KAZN: variants seen among roughly 807,000 people sequenced by gnomAD.
KAZN encodes the protein kazrin, periplakin interacting protein, also known as kazrin.
Under a neutral mutation model 87.4 loss-of-function variants are expected in KAZN, and 40 were observed. The ratio of observed to expected loss-of-function variants is 0.46; its 90% confidence interval spans 0.36 to 0.60. The LOEUF (loss-of-function observed/expected upper bound fraction) is 0.60. Among genes scored for constraint, KAZN ranks in the 20% least tolerant of loss-of-function variants. The pLI is 0.00. For missense variants in KAZN, 898 were observed against 1,073.9 expected, an observed-to-expected ratio of 0.84 and a Z score of 2.29; for synonymous variants, 466 against 458.3, an observed-to-expected ratio of 1.02 and a Z score of -0.22.
chr1:14,230,038 C>T (rs563235205), intron 2 of KAZN, among the ~76,000 whole-genome samples: 3 of 152,248 alleles, frequency 2.0e-5, no homozygotes, highest in Non-Finnish European at 4.4e-5. Flanking sequence ...TCCCATATAG[C>T]AGCCACTAAC....
chr1:14,119,551 G>A (rs1644706235), intron 1 of KAZN, among the ~76,000 whole-genome samples: 1 of 152,000 alleles, frequency 6.6e-6, no homozygotes, highest in Non-Finnish European at 1.5e-5. Context: ...CTTCCACTTG[G>A]CTCATCTTAG....
At chr1:13,903,562 C>T (rs1639327605) in intron 1 of KAZN, among the ~76,000 whole-genome samples, 1 of 152,168 alleles carries the variant, frequency 6.6e-6, no homozygotes, top group Non-Finnish European at 1.5e-5. Context: ...AGTGGCCAGG[C>T]TAGATTCCAC....
At chr1:13,982,043 C>T (rs1389276247) in intron 1 of KAZN, among the ~76,000 whole-genome samples, 2 of 152,176 alleles carry the variant, frequency 1.3e-5, no homozygotes, top group East Asian at 3.9e-4. Flanking sequence ...TCCCACCCCT[C>T]AGAGAATAAT....
chr1:14,460,158 C>T (rs1479461158), intron 2 of KAZN, among the ~76,000 whole-genome samples: 2 of 152,182 alleles, frequency 1.3e-5, no homozygotes, highest in Non-Finnish European at 2.9e-5. Context: ...GTAGCATCAC[C>T]ATTCTGACAG....
intron 1 of KAZN, among the ~76,000 whole-genome samples, chr1:14,636,436 G>A (rs905273785): frequency 2.6e-5 from 4 of 152,176 alleles, no homozygotes; most frequent in Non-Finnish European, 5.9e-5. Context: ...GAGCCCTTTG[G>A]ATAGAGGGCT....
chr1:14,193,682 C>T (rs763988377), intron 2 of KAZN, among the ~76,000 whole-genome samples: 2 of 144,902 alleles, frequency 1.4e-5, no homozygotes, highest in Non-Finnish European at 1.5e-5. Context: ...TTTTTTTTAC[C>T]AGGTATAATT....
chr1:14,260,809 C>G (rs570478602), intron 2 of KAZN, among the ~76,000 whole-genome samples: 3 of 152,168 alleles, frequency 2.0e-5, no homozygotes, highest in Non-Finnish European at 4.4e-5. Context: ...ACTGTTACTG[C>G]CCCATTTTCC....
Position 14,073,981 on chromosome 1 carries a change from A to G in KAZN, c.92-106454A>G, listed in dbSNP as rs377665950. ...CTTTTATCTGTCTGTCTTGGTGAACATTCTGGAAATAGAACAAAATATTTC... is the reference window on the plus strand; with the variant it reads ...CTTTTATCTGTCTGTCTTGGTGAACGTTCTGGAAATAGAACAAAATATTTC... On this transcript the variant is annotated intron_variant, in intron 1 of 16. Coordinates refer to the KAZN transcript ENST00000636203. Among the ~76,000 whole-genome samples the G allele has an allele frequency of 2.6e-3, 390 of 152,270 alleles. 3 individuals are homozygous for G. Among genetic ancestry groups the G allele is most frequent in the African/African-American group, 8.9e-3 (368 of 41,536 alleles).
At chr1:14,728,692 T>C (rs1474100562) in intron 1 of KAZN, among the ~76,000 whole-genome samples, 1 of 152,176 alleles carries the variant, frequency 6.6e-6, no homozygotes, top group Non-Finnish European at 1.5e-5. Context: ...TGCAGAGGCC[T>C]AGGATACACC....
chr1:13,913,759 TTACTTGGAAGC>T (rs1470645742), intron 1 of KAZN, among the ~76,000 whole-genome samples: 2 of 152,218 alleles, frequency 1.3e-5, no homozygotes, highest in Non-Finnish European at 2.9e-5. Context: ...TGTTTCATAA[TTACTTGGAAGC>T]TTGTTTAAAA....
At chr1:14,188,639 T>C (rs934741427) in intron 2 of KAZN, among the ~76,000 whole-genome samples, 1 of 152,164 alleles carries the variant, frequency 6.6e-6, no homozygotes, top group East Asian at 1.9e-4. Context: ...ATGCAGTAAC[T>C]TACCGGAAGA....
At chr1:14,165,564 A>G (rs79596919) in intron 1 of KAZN, among the ~76,000 whole-genome samples, 2,437 of 152,240 alleles carry the variant, frequency 0.016, 39 homozygotes, top group South Asian at 0.036. Context: ...ATAAAATGTC[A>G]AAAGCCCATT....
At chr1:14,590,454 A>T (rs1363909952) in intron 2 of KAZN, among the ~76,000 whole-genome samples, 1 of 152,194 alleles carries the variant, frequency 6.6e-6, no homozygotes, top group Non-Finnish European at 1.5e-5. Flanking sequence ...GAAATGAGAA[A>T]GAAACAAAAG....
At chr1:14,009,350 T>C (rs997680276) in intron 1 of KAZN, among the ~76,000 whole-genome samples, 1 of 152,064 alleles carries the variant, frequency 6.6e-6, no homozygotes, top group African/African-American at 2.4e-5. Context: ...GGTCATATGG[T>C]AATTCTATTT....
At chr1:14,404,466 A>G (rs1192146811) in intron 2 of KAZN, among the ~76,000 whole-genome samples, 1 of 152,178 alleles carries the variant, frequency 6.6e-6, no homozygotes, top group African/African-American at 2.4e-5. Flanking sequence ...TATCTCCCGT[A>G]TCAGTGTGCT....
intron 2 of KAZN, among the ~76,000 whole-genome samples, chr1:14,223,970 A>G (rs906093928): frequency 2.0e-5 from 3 of 152,198 alleles, no homozygotes; most frequent in African/African-American, 7.2e-5. Context: ...AGAACCATCC[A>G]CCATTTAGAG....
intron 2 of KAZN, among the ~76,000 whole-genome samples, chr1:14,583,702 C>T (rs913752929): frequency 2.0e-5 from 3 of 152,152 alleles, no homozygotes; most frequent in Non-Finnish European, 2.9e-5. Flanking sequence ...GGCTGATATT[C>T]CTGGTCTTGG....
intron 1 of KAZN, among the ~76,000 whole-genome samples, chr1:14,858,978 G>A (rs980314318): frequency 1.2e-4 from 19 of 152,178 alleles, no homozygotes; most frequent in African/African-American, 3.4e-4. Context: ...AGGCCGAGGC[G>A]GGTGGATCAC....
chr1:14,000,272 G>A (rs1448585023), intron 1 of KAZN, among the ~76,000 whole-genome samples: 2 of 152,168 alleles, frequency 1.3e-5, no homozygotes, highest in African/African-American at 4.8e-5. Context: ...CAATATCCCT[G>A]ATGAACATCG....
Sources: gnomAD v4.1 joint callset for allele counts (sites outside exome capture counted in the v4.1 genomes callset) on GRCh38, gnomAD v4.1.1 for gene constraint, MANE v1.5 for transcripts, NCBI Gene and HGNC (gene_info 2026-07-23, HGNC 2026-07-21) for gene names.